The following PCDHA10 variants were observed in gnomAD, a reference collection of about 807,000 sequenced individuals.
The protein encoded by PCDHA10 is protocadherin alpha-10.
A neutral mutation model predicts 61.2 loss-of-function variants in PCDHA10; 45 were observed. That is an observed-to-expected ratio of 0.74 (90% CI 0.58 to 0.94). The LOEUF is 0.94. Among genes scored for constraint, PCDHA10 ranks in the 40% least tolerant of loss-of-function variants. PCDHA10 has a pLI of 0.00. For missense variants in PCDHA10, 1,278 were observed against 1,236.2 expected (o/e 1.03, Z -0.51); for synonymous variants, 602 against 548.8 (o/e 1.10, Z -1.35).
rs192086826 is a variant in PCDHA10, at chr5:140,981,520, G to C, written c.2448-955G>C. ...ACCTGGGAGGCAGAGGTTGCAGTGA[G>C]CTGAGATCGTGCCACTGTACTCCAG... On this transcript the variant is annotated intron_variant, in intron 2 of 3. Coordinates refer to ENST00000307360, the MANE Select transcript of PCDHA10 (RefSeq NM_018901.4). Among the ~76,000 whole-genome samples the C allele has an allele frequency of 3.3e-5, 5 of 152,342 alleles. No homozygotes were observed. The East Asian group carries it at 9.6e-4, about 29-fold the overall frequency.
intron 1 of PCDHA10, among the ~76,000 whole-genome samples, chr5:140,917,545 C>G (rs1049973588): frequency 6.6e-6 from 1 of 152,212 alleles, no homozygotes; most frequent in Non-Finnish European, 1.5e-5. Flanking sequence ...TTAGGTTTTA[C>G]ATTTAACTCT....
At chr5:141,009,001 A>G (rs1373262105) in intron 3 of PCDHA10, among the ~76,000 whole-genome samples, 1 of 152,246 alleles carries the variant, frequency 6.6e-6, no homozygotes, top group East Asian at 1.9e-4. Flanking sequence ...TAAAAGGAGC[A>G]TATTTTGCCT....
At chr5:140,929,503 G>A in intron 1 of PCDHA10, 1 of 886,378 alleles carries the variant, frequency 1.1e-6, no homozygotes, top group Non-Finnish European at 1.6e-6. Context: ...ATTGCCCTAG[G>A]CCTCAAGGGA....
intron 1 of PCDHA10, among the ~76,000 whole-genome samples, chr5:140,974,407 A>T (rs1441174003): frequency 6.6e-6 from 1 of 152,244 alleles, no homozygotes; most frequent in African/African-American, 2.4e-5. Flanking sequence ...TTCTAAAGTT[A>T]TGTTTATTTT....
chr5:140,911,792 T>C (rs1429471693), intron 1 of PCDHA10, among the ~76,000 whole-genome samples: 1 of 152,190 alleles, frequency 6.6e-6, no homozygotes, highest in Non-Finnish European at 1.5e-5. Context: ...TTTTTGGGTC[T>C]AATCATATTA....
At chr5:140,869,062 T>A (rs370962991) in intron 1 of PCDHA10, 2 of 1,558,588 alleles carry the variant, frequency 1.3e-6, no homozygotes, top group African/African-American at 2.7e-5. Context: ...TCTGGTACTG[T>A]AAGTGTAAAG....
chr5:140,967,980 A>G (rs1554230169), intron 1 of PCDHA10: 1 of 1,614,198 alleles, frequency 6.2e-7, no homozygotes, highest in African/African-American at 1.3e-5. Context: ...CTGGGTCTGG[A>G]GGCCACACTG....
chr5:141,006,343 C>T (rs1036137270), intron 3 of PCDHA10, among the ~76,000 whole-genome samples: 41 of 152,038 alleles, frequency 2.7e-4, no homozygotes, highest in African/African-American at 8.9e-4. Context: ...TCCTGAGTAG[C>T]TGGGACTATA....
In PCDHA10 at chr5:141,009,754, C is replaced by A. The variant is rs200585286; in HGVS notation, c.2664C>A (p.Ile888=). 18 of 1,614,022 alleles carry A rather than the reference C, an allele frequency of 1.1e-5. No individual in the cohort carries two copies. Among genetic ancestry groups the A allele is most frequent in the Non-Finnish European group, 1.5e-5 (18 of 1,180,034 alleles). ...GTGAGTTGCCCGACAAATTCATTAT[C>A]CCAGGATCTCCTGCAATCATCTCCA... The part of the protein sequence containing the change: ...GPGELPDKFI[I]PGSPAIISIR... The change falls in exon 4 of 4, where the codon ATC becomes ATA. Residue 888 remains isoleucine, a synonymous_variant. Coordinates refer to ENST00000307360, the MANE Select transcript of PCDHA10 (RefSeq NM_018901.4).
intron 1 of PCDHA10, chr5:140,927,582 G>C (rs1554204771): frequency 1.2e-6 from 2 of 1,614,174 alleles, no homozygotes; most frequent in Non-Finnish European, 8.5e-7. Context: ...ATGACAACGC[G>C]CCTGTATTTG....
chr5:140,870,090 G>A, intron 1 of PCDHA10: 3 of 1,613,854 alleles, frequency 1.9e-6, no homozygotes, highest in South Asian at 2.2e-5. Flanking sequence ...CTCCCCCAAT[G>A]GCAGGTCACT....
At chr5:140,953,025 G>A (rs1408416785) in intron 1 of PCDHA10, among the ~76,000 whole-genome samples, 9 of 152,024 alleles carry the variant, frequency 5.9e-5, no homozygotes, top group African/African-American at 1.9e-4. Flanking sequence ...ACATTAAGGG[G>A]GAAATCCACC....
At chr5:140,999,933 A>T (rs1554257043) in intron 3 of PCDHA10, among the ~76,000 whole-genome samples, 1 of 152,124 alleles carries the variant, frequency 6.6e-6, no homozygotes, top group African/African-American at 2.4e-5. Context: ...AGCTCAACTC[A>T]TTCCACCCAA....
chr5:140,912,007 C>A lies in PCDHA10; in HGVS notation c.2388+53571C>A, dbSNP rs572487277. Among the ~76,000 whole-genome samples, 3 of 152,282 alleles carry A rather than the reference C, an allele frequency of 2.0e-5. No homozygotes were observed. The East Asian group carries it at 5.8e-4, about 29-fold the overall frequency. On this transcript the variant is annotated intron_variant, in intron 1 of 3. Coordinates refer to ENST00000307360, the MANE Select transcript of PCDHA10 (RefSeq NM_018901.4). ...ACAAGGTCCCACAATAGGCCATCTGCAAGCTGAGGAGCAAGCAAGCCAATC... is the reference window on the plus strand; with the variant it reads ...ACAAGGTCCCACAATAGGCCATCTGAAAGCTGAGGAGCAAGCAAGCCAATC...
At chr5:140,904,754 C>G (rs2071365435) in intron 1 of PCDHA10, among the ~76,000 whole-genome samples, 1 of 152,068 alleles carries the variant, frequency 6.6e-6, no homozygotes, top group South Asian at 2.1e-4. Context: ...ACCATTTTTG[C>G]AAGAATAAGA....
chr5:140,877,419 G>A (rs1554169722), intron 1 of PCDHA10: 1 of 1,613,922 alleles, frequency 6.2e-7, no homozygotes, highest in Non-Finnish European at 8.5e-7. Context: ...GCCTGCTGGT[G>A]CTGGTGAAGG....
At chr5:140,968,067 T>G in intron 1 of PCDHA10, 1 of 1,614,082 alleles carries the variant, frequency 6.2e-7, no homozygotes, top group Non-Finnish European at 8.5e-7. Context: ...CGGGTGGCTG[T>G]CTACAACATC....
At chr5:140,860,138 T>C (rs2046209991) in intron 1 of PCDHA10, 2 of 150,752 alleles carry the variant, frequency 1.3e-5, no homozygotes, top group Admixed American at 1.3e-4. Flanking sequence ...TGTGTGTATA[T>C]ATATGTATAT....
At chr5:140,994,394 T>G (rs1332946220) in intron 3 of PCDHA10, among the ~76,000 whole-genome samples, 3 of 152,110 alleles carry the variant, frequency 2.0e-5, no homozygotes, top group African/African-American at 7.2e-5. Flanking sequence ...AGTCAGAGAT[T>G]ATTTGACATT....
Sources: gnomAD v4.1 joint callset for allele counts (sites outside exome capture counted in the v4.1 genomes callset) on GRCh38, gnomAD v4.1.1 for gene constraint, MANE v1.5 for transcripts, NCBI Gene and HGNC (gene_info 2026-07-23, HGNC 2026-07-21) for gene names.